GRIP1: variants seen among roughly 807,000 people sequenced by gnomAD.
The protein encoded by GRIP1 is glutamate receptor interacting protein 1.
A neutral mutation model predicts 129.9 loss-of-function variants in GRIP1; 45 were observed. That is an observed-to-expected ratio of 0.35 (90% CI 0.27 to 0.44). The LOEUF (loss-of-function observed/expected upper bound fraction) is 0.44, where lower values mean the gene tolerates loss of function less well. GRIP1 is among the 20% of genes least tolerant of loss of function. GRIP1 has a pLI of 1.00. For synonymous variants in GRIP1, 530 were observed against 520.8 expected (o/e 1.02, Z -0.24); for missense variants, 1,196 against 1,396.8 (o/e 0.86, Z 2.29).
chr12:66,938,318 T>A (rs1201287420), intron 1 of GRIP1, among the ~76,000 whole-genome samples: 1 of 151,878 alleles, frequency 6.6e-6, no homozygotes, highest in Non-Finnish European at 1.5e-5. Context: ...GAGGTCACAG[T>A]GAGACGAGAT....
At chr12:66,816,393 G>A (rs1359076642) in intron 1 of GRIP1, among the ~76,000 whole-genome samples, 1 of 152,114 alleles carries the variant, frequency 6.6e-6, no homozygotes, top group African/African-American at 2.4e-5. Flanking sequence ...ATAGAGCTTG[G>A]CCTCTGATAG....
intron 2 of GRIP1, among the ~76,000 whole-genome samples, chr12:66,551,230 C>T (rs554505039): frequency 1.3e-5 from 2 of 152,348 alleles, no homozygotes; most frequent in East Asian, 3.9e-4. Context: ...CCAATAATCA[C>T]TGCCTCTACC....
At chr12:66,804,981 C>T (rs143771366), upstream of GRIP1, among the ~76,000 whole-genome samples, 2 of 152,246 alleles carry the variant, frequency 1.3e-5, no homozygotes, top group East Asian at 3.9e-4. Flanking sequence ...ATTCCAATCA[C>T]TGTTTGATTT....
chr12:66,634,966 T>C (rs1274618625), intron 1 of GRIP1, among the ~76,000 whole-genome samples: 1 of 152,232 alleles, frequency 6.6e-6, no homozygotes, highest in South Asian at 2.1e-4. Context: ...TGGCATCATA[T>C]TATTTGTTCA....
intron 19 of GRIP1, among the ~76,000 whole-genome samples, chr12:66,382,603 C>A (rs758604229): frequency 6.6e-6 from 1 of 152,130 alleles, no homozygotes; most frequent in Non-Finnish European, 1.5e-5. Context: ...ATATACTAAG[C>A]CCTTCAACCT....
intron 1 of GRIP1, among the ~76,000 whole-genome samples, chr12:66,616,121 G>A (rs1282990351): frequency 2.0e-5 from 3 of 152,068 alleles, no homozygotes; most frequent in African/African-American, 7.2e-5. Context: ...CTGTATAGCT[G>A]TGTCTTATTA....
Position 66,509,748 on chromosome 12 carries a change from G to A in GRIP1, c.724+5871C>T, listed in dbSNP as rs142808720. On this transcript the variant is annotated intron_variant, in intron 7 of 24. Coordinates refer to ENST00000359742, the MANE Select transcript of GRIP1 (RefSeq NM_001366722.1). ...CACTTATAAGTGAGAGATGAATGAT[G>A]AGAACACATGGACACATGGAGGGGA... 4.1e-3 allele frequency among the ~76,000 whole-genome samples: 631 copies of A among 152,232 alleles called. 5 individuals are homozygous for A. The highest frequency in any genetic ancestry group is 0.014 in the South Asian group (67 of 4,816).
At chr12:66,829,056 C>G (rs946128650) in intron 1 of GRIP1, among the ~76,000 whole-genome samples, 6 of 152,058 alleles carry the variant, frequency 3.9e-5, no homozygotes, top group Admixed American at 3.9e-4. Flanking sequence ...CCCCAGAACC[C>G]GTAAATATTA....
intron 11 of GRIP1, among the ~76,000 whole-genome samples, chr12:66,451,407 T>G (rs1199566387): frequency 8.6e-6 from 1 of 116,564 alleles, no homozygotes; most frequent in African/African-American, 3.5e-5. Flanking sequence ...TTTTTTTTTT[T>G]TTTTTTTTTT....
At chr12:66,938,746 C>G (rs1330534880) in intron 1 of GRIP1, among the ~76,000 whole-genome samples, 1 of 151,992 alleles carries the variant, frequency 6.6e-6, no homozygotes, top group Non-Finnish European at 1.5e-5. Flanking sequence ...ATCACCAGGT[C>G]AGGAGATCAA....
intron 7 of GRIP1, among the ~76,000 whole-genome samples, chr12:66,506,596 G>A (rs967859652): frequency 3.3e-5 from 5 of 152,094 alleles, no homozygotes; most frequent in Admixed American, 2.6e-4. Flanking sequence ...TCTTGACCTC[G>A]ATGGAGAACA....
intron 1 of GRIP1, among the ~76,000 whole-genome samples, chr12:66,833,495 G>A (rs912312829): frequency 2.0e-5 from 3 of 152,126 alleles, no homozygotes; most frequent in Non-Finnish European, 4.4e-5. Context: ...CATGGGGTCT[G>A]CCTTTCTCCA....
chr12:66,714,340 C>G (rs2035802028), intron 1 of GRIP1, among the ~76,000 whole-genome samples: 1 of 151,944 alleles, frequency 6.6e-6, no homozygotes, highest in African/African-American at 2.4e-5. Context: ...TTGAAACACT[C>G]TAAGCACAAA....
At chr12:66,381,891 C>T (rs2056126083) in intron 19 of GRIP1, among the ~76,000 whole-genome samples, 1 of 152,192 alleles carries the variant, frequency 6.6e-6, no homozygotes, top group Non-Finnish European at 1.5e-5. Flanking sequence ...GTCAGAAAAC[C>T]TGATCCCAGC....
chr12:66,724,698 G>A (rs1206061699), intron 1 of GRIP1, among the ~76,000 whole-genome samples: 7 of 152,060 alleles, frequency 4.6e-5, no homozygotes, highest in Admixed American at 3.9e-4. Context: ...GTGTCCTTTT[G>A]TCTTGGGCAC....
chr12:66,564,588 TG>T (rs1230462377), intron 2 of GRIP1, among the ~76,000 whole-genome samples: 1 of 141,338 alleles, frequency 7.1e-6, no homozygotes, highest in Non-Finnish European at 1.6e-5. Flanking sequence ...AATAAACATA[TG>T]TGTGCATGTG....
At chr12:66,781,753 AAC>A (rs2038166945) in intron 1 of GRIP1, among the ~76,000 whole-genome samples, 1 of 152,228 alleles carries the variant, frequency 6.6e-6, no homozygotes. Flanking sequence ...AAAGCTGTAT[AAC>A]TTAATTCAAA....
chr12:66,396,815 G>C (rs542290908), intron 16 of GRIP1, among the ~76,000 whole-genome samples: 9 of 152,238 alleles, frequency 5.9e-5, no homozygotes, highest in African/African-American at 2.2e-4. Flanking sequence ...AAACACAAAA[G>C]AGAAAGGAGA....
At chr12:66,993,962 A>T (rs2042430977) in intron 1 of GRIP1, among the ~76,000 whole-genome samples, 1 of 152,186 alleles carries the variant, frequency 6.6e-6, no homozygotes, top group Non-Finnish European at 1.5e-5. Flanking sequence ...TGATCCAAGA[A>T]GAAACAGAAA....
Sources: allele counts gnomAD v4.1 joint callset (sites outside exome capture counted in the v4.1 genomes callset), GRCh38; gene constraint gnomAD v4.1.1; transcripts MANE v1.5; gene names NCBI Gene and HGNC (gene_info 2026-07-23, HGNC 2026-07-21).